The following SI variants were observed in gnomAD, a reference collection of about 807,000 sequenced individuals.
The protein encoded by SI is sucrase-isomaltase, intestinal.
A neutral mutation model predicts 253.3 loss-of-function variants in SI; 235 were observed. The observed-to-expected ratio is 0.93, with a 90% CI of 0.83 to 1.03. The LOEUF is 1.03. SI is among the 50% of genes least tolerant of loss of function. The pLI, the probability that SI is intolerant of heterozygous loss-of-function variation, is 0.00. For missense variants in SI, 2,442 were observed against 2,211.1 expected, an observed-to-expected ratio of 1.10 and a Z score of -2.09; for synonymous variants, 819 against 712.0, an observed-to-expected ratio of 1.15 and a Z score of -2.39.
chr3:165,076,566 T>C (rs1211011542), intron 1 of SI, among the ~76,000 whole-genome samples: 1 of 151,768 alleles, frequency 6.6e-6, no homozygotes, highest in African/African-American at 2.4e-5. Flanking sequence ...GAAAAGAACA[T>C]AAATACATAT....
intron 25 of SI, among the ~76,000 whole-genome samples, chr3:165,030,362 T>G (rs1712165781): frequency 6.6e-6 from 1 of 150,882 alleles, no homozygotes; most frequent in Admixed American, 6.6e-5. Context: ...TTCAAAATAG[T>G]GTCCACTACT....
rs896474390 is a variant in SI at position 165,074,544 on chromosome 3, T to C, written c.242A>G (p.Gln81Arg). The C allele has an allele frequency of 4.4e-6, 7 of 1,604,792 alleles. No individual in the cohort carries two copies. Among genetic ancestry groups the C allele is most frequent in the Non-Finnish European group, 5.1e-6 (6 of 1,174,604 alleles). Residue 81 changes from glutamine to arginine, a missense_variant, in exon 3 of 48, where the codon CAA (glutamine) becomes CGA (arginine). Transcript: ENST00000264382. ...TTTGCTGCAGACCTCTGTTGGGAAT[T>C]GTTCTGGAATGCAGTTTATTCTCAC... Reference protein sequence around the residue: ...VNVRINCIPEQFPTEGICAQR... With the variant: ...VNVRINCIPERFPTEGICAQR...
At chr3:165,040,097 A>G in intron 18 of SI, 126 bp from the exon 19 acceptor site, 1 of 765,228 alleles carries the variant, frequency 1.3e-6, no homozygotes, top group Non-Finnish European at 2.3e-6. Context: ...CTTGTTTCAG[A>G]TGACATTTTC....
Position 165,060,002 on chromosome 3 carries a change from G to T in SI, c.1046C>A (p.Ala349Glu), listed in dbSNP as rs2108250163. The T allele has an allele frequency of 1.2e-6, 2 of 1,611,574 alleles. No homozygotes were observed. Among genetic ancestry groups the T allele is most frequent in the South Asian group, 2.2e-5 (2 of 91,052 alleles). Residue 349 changes from alanine to glutamate, a missense_variant, in exon 10 of 48, where the codon GCA becomes GAA. Transcript: ENST00000264382. ...QQLVGLPAMPAYWNLGFQLSR... is the reference protein window; with the variant it reads ...QQLVGLPAMPEYWNLGFQLSR... ...TAGTTGGAATCCAAGATTCCAATAT[G>T]CTGGCATTGCTGGTAGTCCAACAAG... is the stretch of plus-strand genomic sequence containing the variant.
At chr3:165,048,787 T>C (rs1454013938) in intron 15 of SI, among the ~76,000 whole-genome samples, 1 of 151,760 alleles carries the variant, frequency 6.6e-6, no homozygotes, top group Non-Finnish European at 1.5e-5. Flanking sequence ...CCAGCTAGAT[T>C]TGTACTTTTA....
intron 44 of SI, among the ~76,000 whole-genome samples, chr3:164,989,388 GGA>G (rs1717608452): frequency 5.1e-5 from 3 of 58,324 alleles, no homozygotes; most frequent in Admixed American, 2.3e-4. Context: ...AAGAAAGAAA[GGA>G]AGAAAGAAAG....
At chr3:164,979,499 T>C (rs766638621) in intron 47 of SI, 69 bp from the exon 48 acceptor site, 205 of 871,540 alleles carry the variant, frequency 2.4e-4, no homozygotes, top group Middle Eastern at 9.9e-4. Context: ...TGAATGCTAT[T>C]TCAAAAAAGT....
At chr3:165,088,086 C>A in the SI span, among the ~76,000 whole-genome samples, 2 of 152,260 alleles carry the variant, frequency 1.3e-5, no homozygotes, top group Admixed American at 6.5e-5. Context: ...TGGTTCACAC[C>A]TGTAATCCCA....
At chr3:165,013,964 C>T (rs1377482794) in intron 33 of SI, among the ~76,000 whole-genome samples, 1 of 152,038 alleles carries the variant, frequency 6.6e-6, no homozygotes, top group Non-Finnish European at 1.5e-5. Context: ...TGGGCTCAAG[C>T]AATCCTCCTA....
intron 27 of SI, among the ~76,000 whole-genome samples, chr3:165,020,238 A>G (rs760016241): frequency 2.0e-5 from 3 of 151,682 alleles, no homozygotes; most frequent in Non-Finnish European, 4.4e-5. Context: ...CTCTCCTATT[A>G]CTACTCCCAA....
At chr3:165,089,839 T>C in the SI span, among the ~76,000 whole-genome samples, 1 of 151,886 alleles carries the variant, frequency 6.6e-6, no homozygotes, top group Non-Finnish European at 1.5e-5. Context: ...TGTAAGCATC[T>C]ACACAGGGCA....
intron 24 of SI, 151 bp downstream of exon 24, chr3:165,032,371 A>G (rs897626453): frequency 1.8e-6 from 1 of 553,124 alleles, no homozygotes; most frequent in Non-Finnish European, 3.2e-6. Flanking sequence ...GTTCAGAAAA[A>G]GTGAAGAAAA....
chr3:164,994,508 TTG>T, intron 40 of SI, 103 bp from the exon 41 acceptor site: 7 of 1,190,120 alleles, frequency 5.9e-6, no homozygotes, highest in Non-Finnish European at 8.7e-6. Flanking sequence ...ATGATATTAA[TTG>T]ATTGTCATGT....
intron 33 of SI, 100 bp from the exon 34 acceptor site, chr3:165,013,142 A>G: frequency 1.2e-6 from 1 of 802,032 alleles, no homozygotes; most frequent in Admixed American, 1.7e-5. Flanking sequence ...GCTTATTATT[A>G]ACTCAAAGTC....
the SI span, among the ~76,000 whole-genome samples, chr3:165,088,833 G>A: frequency 6.6e-6 from 1 of 151,446 alleles, no homozygotes; most frequent in African/African-American, 2.4e-5. Context: ...TAAGAAAATG[G>A]ACAAATATTC....
At chr3:165,079,464 AT>A (rs1715206591), upstream of SI, among the ~76,000 whole-genome samples, 3 of 151,736 alleles carry the variant, frequency 2.0e-5, no homozygotes, top group South Asian at 6.2e-4. Flanking sequence ...TAAAAAGAAA[AT>A]TTAAAAAAAG....
upstream of SI, among the ~76,000 whole-genome samples, chr3:165,080,096 A>G (rs1452764835): frequency 6.6e-6 from 1 of 152,044 alleles, no homozygotes; most frequent in Non-Finnish European, 1.5e-5. Flanking sequence ...AAACTCTGGC[A>G]TATCCATACA....
At chr3:165,056,310 T>C (rs1405008146) in intron 12 of SI, among the ~76,000 whole-genome samples, 1 of 152,078 alleles carries the variant, frequency 6.6e-6, no homozygotes, top group Non-Finnish European at 1.5e-5. Context: ...GTTGGATGAA[T>C]GTGATAAGAA....
intron 13 of SI, among the ~76,000 whole-genome samples, chr3:165,054,563 C>T (rs540442136): frequency 7.9e-5 from 12 of 152,140 alleles, no homozygotes; most frequent in South Asian, 2.1e-4. Context: ...CCATGTTGGT[C>T]GGGCTGGTCT....
Sources: gnomAD v4.1 joint callset for allele counts (sites outside exome capture counted in the v4.1 genomes callset) on GRCh38, gnomAD v4.1.1 for gene constraint, MANE v1.5 for transcripts, NCBI Gene and HGNC (gene_info 2026-07-23, HGNC 2026-07-21) for gene names.